KCNMA1: variants seen among roughly 807,000 people sequenced by gnomAD.
KCNMA1 encodes potassium calcium-activated channel subfamily M alpha 1.
KCNMA1 carries 29 observed loss-of-function variants against 140.0 expected under a neutral mutation model. That is an observed-to-expected ratio of 0.21 (90% confidence interval 0.15 to 0.28). KCNMA1 has a LOEUF of 0.28. Among genes scored for constraint, KCNMA1 ranks in the 10% least tolerant of loss-of-function variants. The pLI, the probability that KCNMA1 is intolerant of heterozygous loss-of-function variation, is 1.00. For synonymous variants in KCNMA1, 612 were observed against 611.9 expected (o/e 1.00, Z 0.00); for missense variants, 880 against 1,602.2 (o/e 0.55, Z 7.70).
intron 3 of KCNMA1, among the ~76,000 whole-genome samples, chr10:77,185,341 C>T (rs550758676): frequency 3.9e-5 from 6 of 152,164 alleles, no homozygotes; most frequent in Non-Finnish European, 5.9e-5. Flanking sequence ...TGCCCTCCAA[C>T]GCATTGGCAG....
chr10:77,131,998 G>C (rs1365091565), intron 5 of KCNMA1, among the ~76,000 whole-genome samples: 1 of 147,986 alleles, frequency 6.8e-6, no homozygotes, highest in Non-Finnish European at 1.5e-5. Flanking sequence ...GAAAAGGGAA[G>C]AAAAGAACTA....
intron 24 of KCNMA1, chr10:76,913,329 C>T (rs2051150662): frequency 6.6e-6 from 1 of 152,186 alleles, no homozygotes; most frequent in Admixed American, 6.6e-5. Flanking sequence ...CAAATGCAGT[C>T]ACGACTGGAG....
At chr10:76,976,041 G>T (rs1225590027) in intron 19 of KCNMA1, among the ~76,000 whole-genome samples, 1 of 152,118 alleles carries the variant, frequency 6.6e-6, no homozygotes, top group East Asian at 1.9e-4. Flanking sequence ...ATTCTGGCAG[G>T]ATAATTTCAC....
intron 5 of KCNMA1, among the ~76,000 whole-genome samples, chr10:77,177,555 T>C (rs1411046992): frequency 5.3e-5 from 8 of 151,758 alleles, no homozygotes; most frequent in Admixed American, 4.6e-4. Flanking sequence ...CCCAGGTTGG[T>C]CTCAAACACC....
chr10:77,059,126 C>T (rs955138552), intron 14 of KCNMA1, among the ~76,000 whole-genome samples: 1 of 151,878 alleles, frequency 6.6e-6, no homozygotes, highest in Non-Finnish European at 1.5e-5. Flanking sequence ...TTTTCAAAAA[C>T]TTTGAATTGT....
chr10:76,936,588 T>C (rs555616778), intron 23 of KCNMA1, among the ~76,000 whole-genome samples: 12 of 152,226 alleles, frequency 7.9e-5, no homozygotes, highest in African/African-American at 2.9e-4. Flanking sequence ...ATTGTGGTAA[T>C]GAAATGTTAT....
chr10:77,348,001 G>A (rs964011939), intron 2 of KCNMA1, among the ~76,000 whole-genome samples: 6 of 152,124 alleles, frequency 3.9e-5, no homozygotes, highest in African/African-American at 1.4e-4. Context: ...TGAAAACTTG[G>A]GATTCACATG....
chr10:77,271,450 A>G (rs959272622), intron 2 of KCNMA1, among the ~76,000 whole-genome samples: 7 of 152,198 alleles, frequency 4.6e-5, no homozygotes, highest in African/African-American at 1.7e-4. Context: ...TAAGGGCTAG[A>G]ACAGCATAAC....
intron 1 of KCNMA1, among the ~76,000 whole-genome samples, chr10:77,438,274 T>TA (rs1490237839): frequency 3.3e-5 from 5 of 152,054 alleles, no homozygotes; most frequent in African/African-American, 4.8e-5. Context: ...ATCCAGTTTC[T>TA]AAAAAACGTA....
intron 2 of KCNMA1, among the ~76,000 whole-genome samples, chr10:77,314,637 T>A (rs1016316227): frequency 1.3e-5 from 2 of 152,124 alleles, no homozygotes; most frequent in African/African-American, 4.8e-5. Flanking sequence ...TGACCCCTGG[T>A]GTGTGGCATG....
chr10:76,944,308 A>T (rs2063358709), intron 23 of KCNMA1, among the ~76,000 whole-genome samples: 1 of 152,222 alleles, frequency 6.6e-6, no homozygotes, highest in African/African-American at 2.4e-5. Context: ...GTGTCCATAG[A>T]GTTGCCACTC....
At chr10:77,478,457 A>G (rs1194008132) in intron 1 of KCNMA1, among the ~76,000 whole-genome samples, 1 of 152,244 alleles carries the variant, frequency 6.6e-6, no homozygotes, top group Non-Finnish European at 1.5e-5. Flanking sequence ...ACAAGGATAG[A>G]TGAATGCTAC....
chr10:77,608,601 G>C (rs905114986), intron 1 of KCNMA1, among the ~76,000 whole-genome samples: 1 of 152,138 alleles, frequency 6.6e-6, no homozygotes, highest in African/African-American at 2.4e-5. Context: ...GCATATACGT[G>C]TGTAAGAGGG....
chr10:77,058,305 T>C (rs2095616813), intron 14 of KCNMA1, among the ~76,000 whole-genome samples: 4 of 151,814 alleles, frequency 2.6e-5, no homozygotes, highest in Admixed American at 2.6e-4. Flanking sequence ...AAATCCACAG[T>C]TATAATTGGA....
intron 2 of KCNMA1, among the ~76,000 whole-genome samples, chr10:77,384,710 C>T (rs1017705023): frequency 2.0e-5 from 3 of 152,200 alleles, no homozygotes; most frequent in Non-Finnish European, 2.9e-5. Context: ...AGTGAATGCT[C>T]GACTGGACAA....
intron 23 of KCNMA1, among the ~76,000 whole-genome samples, chr10:76,933,098 T>C (rs962955374): frequency 1.3e-5 from 2 of 152,208 alleles, no homozygotes; most frequent in African/African-American, 2.4e-5. Flanking sequence ...GTGCAACATC[T>C]TTGATCTCTG....
intron 3 of KCNMA1, among the ~76,000 whole-genome samples, chr10:77,195,024 C>T (rs999211763): frequency 1.3e-5 from 2 of 151,988 alleles, no homozygotes; most frequent in African/African-American, 4.8e-5. Context: ...TTTCTAACAT[C>T]TTGAAGTTTT....
chr10:77,565,489 C>A (rs2067942066), intron 1 of KCNMA1, among the ~76,000 whole-genome samples: 2 of 152,226 alleles, frequency 1.3e-5, no homozygotes, highest in Non-Finnish European at 2.9e-5. Context: ...ATTCAACACA[C>A]AGCTCAGACA....
intron 8 of KCNMA1, 133 bp downstream of exon 8, chr10:77,110,040 C>T: frequency 1.2e-6 from 1 of 816,438 alleles, no homozygotes; most frequent in Non-Finnish European, 2.1e-6. Context: ...TTTGGATTTA[C>T]TTAGCCTGAT....
Sources: allele counts gnomAD v4.1 joint callset (sites outside exome capture counted in the v4.1 genomes callset), GRCh38; gene constraint gnomAD v4.1.1; transcripts MANE v1.5; gene names NCBI Gene and HGNC (gene_info 2026-07-23, HGNC 2026-07-21).